Variants in FAM107B observed in about 807,000 individuals in gnomAD.
FAM107B encodes protein FAM107B.
In FAM107B, 21 loss-of-function variants were observed where a neutral mutation model predicts 31.5. The ratio of observed to expected loss-of-function variants is 0.67; its 90% CI spans 0.47 to 0.96. The LOEUF (loss-of-function observed/expected upper bound fraction) is 0.96. Ranked by LOEUF, FAM107B falls within the 40% of genes least tolerant of loss-of-function variation. FAM107B has a pLI of 0.00. For synonymous variants in FAM107B, 157 were observed against 141.5 expected (o/e 1.11, Z -0.78); for missense variants, 452 against 377.1 (o/e 1.20, Z -1.64).
At chr10:14,697,666 A>G (rs1471646136) in intron 1 of FAM107B, among the ~76,000 whole-genome samples, 2 of 152,224 alleles carry the variant, frequency 1.3e-5, no homozygotes, top group African/African-American at 4.8e-5. Flanking sequence ...TTCATTGCCT[A>G]GTGCTCAGAC....
chr10:14,530,900 A>C (rs568809494), intron 2 of FAM107B, among the ~76,000 whole-genome samples: 2 of 152,322 alleles, frequency 1.3e-5, no homozygotes, highest in South Asian at 4.1e-4. Context: ...ACTGGCCCAC[A>C]ATGGCTGCAG....
intron 2 of FAM107B, among the ~76,000 whole-genome samples, chr10:14,634,108 G>A (rs1037463163): frequency 2.6e-5 from 4 of 152,130 alleles, no homozygotes; most frequent in Non-Finnish European, 1.5e-5. Context: ...CAGCTTTTAA[G>A]ATTTCAGGCC....
At chr10:14,568,208 C>T (rs1229936742) in intron 2 of FAM107B, among the ~76,000 whole-genome samples, 2 of 152,366 alleles carry the variant, frequency 1.3e-5, no homozygotes, top group Middle Eastern at 3.4e-3. Context: ...GGGCAGGAAC[C>T]TAAGCCCTGC....
At chr10:14,726,802 G>C (rs909238134) in intron 1 of FAM107B, among the ~76,000 whole-genome samples, 1 of 152,174 alleles carries the variant, frequency 6.6e-6, no homozygotes, top group African/African-American at 2.4e-5. Context: ...CAGTTTCATG[G>C]AAGACAATTT....
intron 3 of FAM107B, 81 bp downstream of exon 3, chr10:14,530,251 C>T (rs1846810138): frequency 7.3e-7 from 1 of 1,372,782 alleles, no homozygotes; most frequent in Non-Finnish European, 9.9e-7. Context: ...TCTTTGAAGC[C>T]TCTGTAAATA....
intron 2 of FAM107B, among the ~76,000 whole-genome samples, chr10:14,591,994 G>C (rs1291421291): frequency 6.6e-6 from 1 of 152,178 alleles, no homozygotes; most frequent in Non-Finnish European, 1.5e-5. Context: ...AGCTTTAAAA[G>C]GCATAACCAT....
At chr10:14,558,282 C>T (rs1183766313) in intron 2 of FAM107B, among the ~76,000 whole-genome samples, 2 of 148,906 alleles carry the variant, frequency 1.3e-5, no homozygotes, top group East Asian at 3.9e-4. Flanking sequence ...CGTGCACGCA[C>T]ACACACACAT....
At chr10:14,609,241 C>T (rs1056335902) in intron 2 of FAM107B, among the ~76,000 whole-genome samples, 1 of 152,158 alleles carries the variant, frequency 6.6e-6, no homozygotes, top group African/African-American at 2.4e-5. Flanking sequence ...GCTTATAACA[C>T]CCACATATTG....
At chr10:14,583,051 C>T (rs1016786195) in intron 2 of FAM107B, among the ~76,000 whole-genome samples, 3 of 147,150 alleles carry the variant, frequency 2.0e-5, no homozygotes, top group African/African-American at 7.6e-5. Flanking sequence ...CGCGCCACTG[C>T]ACTCCAGCCT....
intron 2 of FAM107B, among the ~76,000 whole-genome samples, chr10:14,601,061 C>G (rs1372294622): frequency 6.6e-6 from 1 of 152,220 alleles, no homozygotes; most frequent in East Asian, 1.9e-4. Flanking sequence ...GCCACTGTAC[C>G]CAGCCCAGTT....
At chr10:14,680,543 C>T (rs1441306938) in intron 1 of FAM107B, among the ~76,000 whole-genome samples, 2 of 146,314 alleles carry the variant, frequency 1.4e-5, no homozygotes, top group Non-Finnish European at 3.0e-5. Flanking sequence ...CACTGCACTC[C>T]AGCCTGGGCA....
chr10:14,667,783 T>C lies in FAM107B; in HGVS notation c.412-92A>G. The C allele has an allele frequency of 4.5e-6, 6 of 1,346,274 alleles. No individual in the cohort carries two copies. The South Asian group carries it at 7.3e-5, about 16-fold the overall frequency. 83.4% of individuals were successfully genotyped at this position (1,346,274 alleles called of 1,614,324 possible). A position where few individuals can be genotyped will look rare whatever the true frequency, so the allele number is the denominator to read the frequency against. On this transcript the variant is annotated intron_variant, in intron 1 of 4. Coordinates refer to ENST00000181796, the MANE Select transcript of FAM107B (RefSeq NM_031453.4). Reference sequence around the variant, plus strand: ...TACTTTTTGCAAGCCTACTAATTAATATGAGATCAAGACTTGAAAAACTTA... The same window carrying C: ...TACTTTTTGCAAGCCTACTAATTAACATGAGATCAAGACTTGAAAAACTTA...
intron 2 of FAM107B, among the ~76,000 whole-genome samples, chr10:14,578,444 TC>T (rs1317826906): frequency 6.6e-6 from 1 of 152,212 alleles, no homozygotes; most frequent in Non-Finnish European, 1.5e-5. Flanking sequence ...GAGGCACATT[TC>T]CTTCGGAGAT....
chr10:14,686,868 C>T (rs750028469), intron 1 of FAM107B, among the ~76,000 whole-genome samples: 5 of 152,252 alleles, frequency 3.3e-5, no homozygotes, highest in Non-Finnish European at 7.3e-5. Flanking sequence ...CAGCCCTCTC[C>T]TGGGCCCCAC....
intron 1 of FAM107B, among the ~76,000 whole-genome samples, chr10:14,679,291 G>A (rs1036348152): frequency 3.3e-5 from 5 of 152,082 alleles, no homozygotes; most frequent in African/African-American, 1.2e-4. Context: ...CACCAAGCCT[G>A]GCTAATATTT....
intron 1 of FAM107B, among the ~76,000 whole-genome samples, chr10:14,719,939 G>A: frequency 6.6e-6 from 1 of 152,174 alleles, no homozygotes; most frequent in African/African-American, 2.4e-5. Context: ...TAAATGCCAT[G>A]GTGTGGGCTC....
In FAM107B at chr10:14,618,706, G is replaced by A. The variant is rs971137379; in HGVS notation, c.469+48928C>T. Among the ~76,000 whole-genome samples the A allele has an allele frequency of 4.6e-5, 7 of 152,144 alleles. No homozygotes were observed. The East Asian group carries it at 1.4e-3, about 29-fold the overall frequency. The stretch of plus-strand genomic sequence containing the variant: ...ACAAACATTAGCCAGGCATGGTGGT[G>A]TGAACCTGTTATCCCAGCTACACAG... On this transcript the variant is annotated intron_variant, in intron 2 of 4. Transcript: ENST00000181796.
chr10:14,748,268 G>A (rs993856356), intron 1 of FAM107B, among the ~76,000 whole-genome samples: 4 of 152,206 alleles, frequency 2.6e-5, no homozygotes, highest in Admixed American at 6.5e-5. Flanking sequence ...ATGAGTGAAT[G>A]TCCTCAAGTT....
chr10:14,684,240 G>A (rs895545819), intron 1 of FAM107B, among the ~76,000 whole-genome samples: 7 of 152,158 alleles, frequency 4.6e-5, no homozygotes, highest in African/African-American at 1.7e-4. Context: ...ATCACCTGAC[G>A]TCAGGAGTTC....
Sources: gnomAD v4.1 joint callset for allele counts (sites outside exome capture counted in the v4.1 genomes callset) on GRCh38, gnomAD v4.1.1 for gene constraint, MANE v1.5 for transcripts, NCBI Gene and HGNC (gene_info 2026-07-23, HGNC 2026-07-21) for gene names.